The following CD163 variants were observed in gnomAD, a reference collection of about 807,000 sequenced individuals.
The protein encoded by CD163 is scavenger receptor cysteine-rich type 1 protein M130.
Under a neutral mutation model 129.2 loss-of-function variants are expected in CD163, and 64 were observed. That is an observed-to-expected ratio of 0.50 (90% CI 0.41 to 0.61). The LOEUF (loss-of-function observed/expected upper bound fraction) is 0.61, where lower values mean the gene tolerates loss of function less well. Ranked by LOEUF, CD163 falls within the 20% of genes least tolerant of loss-of-function variation. The pLI is 0.00. For synonymous variants in CD163, 446 were observed against 478.5 expected (o/e 0.93, Z 0.89); for missense variants, 1,061 against 1,377.9 (o/e 0.77, Z 3.64).
intron 16 of CD163, among the ~76,000 whole-genome samples, chr12:7,474,853 A>AGAAGAATC (rs1949063029): frequency 6.6e-6 from 1 of 152,090 alleles, no homozygotes. Flanking sequence ...AAGAAAAGAG[A>AGAAGAATC]GAAGAATCAA....
At chr12:7,484,457 TG>T (rs1021958651) in intron 11 of CD163, among the ~76,000 whole-genome samples, 60 of 152,086 alleles carry the variant, frequency 3.9e-4, no homozygotes, top group African/African-American at 1.3e-3. Flanking sequence ...CTGGCCAACA[TG>T]GGGAAACCCC....
intron 11 of CD163, among the ~76,000 whole-genome samples, chr12:7,484,535 A>G (rs1949220719): frequency 6.7e-6 from 1 of 150,148 alleles, no homozygotes; most frequent in African/African-American, 2.4e-5. Context: ...GCTACTCAGG[A>G]GGCTGGAGCA....
intron 2 of CD163, 150 bp downstream of exon 2, chr12:7,502,328 G>C: frequency 1.4e-6 from 1 of 699,566 alleles, no homozygotes; most frequent in Non-Finnish European, 2.6e-6. Context: ...GATTTTTATT[G>C]TGTGCTTTTA....
intron 15 of CD163, chr12:7,480,895 T>G: frequency 9.1e-7 from 1 of 1,094,902 alleles, no homozygotes. Context: ...TAAAATGAGG[T>G]CCAAGTCATA....
rs146216389 is a variant in CD163 at position 7,499,864 on chromosome 12, C to T, written c.458-676G>A. ...AAGAGAACTGAGCCATGAGGATCTT[C>T]AGCACCTGTTACATACCAAACAGTG... On this transcript the variant is annotated intron_variant, in intron 3 of 16. Coordinates refer to ENST00000432237, the MANE Select transcript of CD163 (RefSeq NM_203416.4). Among the ~76,000 whole-genome samples the T allele has an allele frequency of 1.4e-4, 22 of 152,294 alleles. No homozygotes were observed. The East Asian group carries it at 2.7e-3, about 19-fold the overall frequency.
rs1949190830 is a variant in CD163, at chr12:7,483,392, C to T, written c.3063G>A (p.Lys1021=). The T allele has an allele frequency of 1.2e-6, 2 of 1,613,864 alleles. No homozygotes were observed. Among genetic ancestry groups the T allele is most frequent in the Non-Finnish European group, 8.5e-7 (1 of 1,179,924 alleles). ...RRWGHSECGH[K]EDAAVNCTDI... is the part of the protein sequence containing the mutation. ...CTGTGCAATTCACTGCAGCGTCTTC[C>T]TTGTGCCCACACTCACTATGGCCCC... The change falls in exon 12 of 17, where the codon AAG becomes AAA. Residue 1021 remains lysine, a synonymous_variant. Coordinates refer to ENST00000432237, the MANE Select transcript of CD163 (RefSeq NM_203416.4).
At chr12:7,495,807 T>C (rs1565407003) in intron 5 of CD163, among the ~76,000 whole-genome samples, 1 of 150,976 alleles carries the variant, frequency 6.6e-6, no homozygotes, top group Non-Finnish European at 1.5e-5. Flanking sequence ...ATGGCGATCA[T>C]TAAAAAGTCT....
chr12:7,492,060 A>T (rs1405152236), intron 6 of CD163, among the ~76,000 whole-genome samples: 2 of 152,160 alleles, frequency 1.3e-5, no homozygotes, highest in Non-Finnish European at 1.5e-5. Flanking sequence ...ATCATCATTG[A>T]CAGAGACAGT....
intron 16 of CD163, among the ~76,000 whole-genome samples, chr12:7,472,689 G>A (rs10129005): frequency 6.6e-6 from 1 of 151,914 alleles, no homozygotes; most frequent in Non-Finnish European, 1.5e-5. Context: ...CACAACTCCT[G>A]TCCAGCAAGG....
At chr12:7,483,910 G>A (rs1440917230) in intron 11 of CD163, among the ~76,000 whole-genome samples, 8 of 138,790 alleles carry the variant, frequency 5.8e-5, no homozygotes, top group African/African-American at 8.1e-5. Flanking sequence ...GCACAATCTC[G>A]GCTCACTGCA....
At chr12:7,502,801 G>A (rs1270928872) in intron 1 of CD163, 1 of 563,830 alleles carries the variant, frequency 1.8e-6, no homozygotes, top group Non-Finnish European at 3.1e-6. Flanking sequence ...GCAGAAGGTT[G>A]GTGGTGGAAA....
At chr12:7,489,472 T>G (rs781577914) in intron 6 of CD163, among the ~76,000 whole-genome samples, 1 of 152,126 alleles carries the variant, frequency 6.6e-6, no homozygotes, top group African/African-American at 2.4e-5. Flanking sequence ...TAATTTCTTA[T>G]AATTTCTGTA....
rs1949261575 is a variant in CD163, at chr12:7,487,063, T to C, written c.2051-77A>G. On this transcript the variant is annotated intron_variant, in intron 8 of 16. Transcript: ENST00000432237. The surrounding 1 kb of genome is among the most constrained non-coding windows in gnomAD (Gnocchi z 5.1). ...CAGATGAAATGTTATATGGATGAGT[T>C]GAGGACAAACATAGCTTAGAGAGAG... is the stretch of plus-strand genomic sequence containing the variant. 2.9e-5 allele frequency: 33 copies of C among 1,138,836 alleles called. No individual in the cohort carries two copies. The South Asian group carries it at 4.3e-4, about 15-fold the overall frequency. 70.5% of individuals were successfully genotyped at this position (1,138,836 alleles called of 1,614,324 possible).
rs796612169 is a variant in CD163 at position 7,483,825 on chromosome 12, G to A, written c.2780-150C>T. ...CATATTAAAATTTATATATATATAT[G>A]TATATATATATATATATTTTTTTTT... On this transcript the variant is annotated intron_variant, in intron 11 of 16. Coordinates refer to ENST00000432237, the MANE Select transcript of CD163 (RefSeq NM_203416.4). 339 of 68,316 alleles carry A rather than the reference G, an allele frequency of 5.0e-3. 1 individual carries two copies. The highest frequency in any genetic ancestry group is 0.014 in the East Asian group (36 of 2,610). 4.2% of individuals were successfully genotyped at this position (68,316 alleles called of 1,614,324 possible). A position where few individuals can be genotyped will look rare whatever the true frequency, so the allele number is the denominator to read the frequency against.
In CD163 at chr12:7,487,815, C is replaced by T; in HGVS notation, c.1693G>A (p.Gly565Arg). ...ACATCCCTGCTGTGGCTACAAGTTCCTTCTGGGCGGGGTGCTACTGGGCAG... is the reference window on the plus strand; with the variant it reads ...ACATCCCTGCTGTGGCTACAAGTTCTTTCTGGGCGGGGTGCTACTGGGCAG... ...SLCPVAPRPE[G>R]TCSHSRDVGV... is the part of the protein sequence containing the mutation. Residue 565 changes from glycine (G) to arginine (R), a missense_variant, in exon 7 of 17, where the codon GGA (glycine) becomes AGA (arginine). By Grantham distance (125) the Gly-to-Arg change is moderately radical (BLOSUM62 -2). Transcript: ENST00000432237. The surrounding 1 kb of genome is among the most constrained non-coding windows in gnomAD (Gnocchi z 5.1). 6.2e-7 allele frequency: 1 copy of T among 1,614,156 alleles called. No individual in the cohort carries two copies. Among genetic ancestry groups the T allele is most frequent in the Non-Finnish European group, 8.5e-7 (1 of 1,180,030 alleles).
intron 5 of CD163, among the ~76,000 whole-genome samples, chr12:7,495,717 T>C (rs991787892): frequency 6.6e-6 from 1 of 151,978 alleles, no homozygotes; most frequent in East Asian, 1.9e-4. Flanking sequence ...AACAAACATA[T>C]GAAAAATAGC....
At position 7,486,542 on chromosome 12, in the gene CD163, C is replaced by G. The variant is rs568300896; in HGVS notation, c.2415G>C (p.Gln805His). 13 of 1,614,182 alleles carry G rather than the reference C, an allele frequency of 8.1e-6. No individual in the cohort carries two copies. The African/African-American group carries it at 1.7e-4, about 22-fold the overall frequency. ...IWQCHSHGWG[Q>H]QNCRHKEDAG... ...CATCCTCCTTGTGCCTGCAATTTTG[C>G]TGCCCCCAGCCGTGTGAATGGCACT... is the stretch of plus-strand genomic sequence containing the variant. The change falls in exon 10 of 17, where the codon CAG (glutamine) becomes CAC (histidine). Residue 805 changes from glutamine to histidine, a missense_variant. Transcript: ENST00000432237.
chr12:7,476,940 C>T (rs916357689), intron 16 of CD163, among the ~76,000 whole-genome samples: 3 of 152,172 alleles, frequency 2.0e-5, no homozygotes, highest in African/African-American at 7.2e-5. Context: ...TATGAACAGA[C>T]ACTTCTCAAA....
chr12:7,489,314 G>GT (rs1394898503), intron 6 of CD163, among the ~76,000 whole-genome samples: 1 of 152,008 alleles, frequency 6.6e-6, no homozygotes, highest in Non-Finnish European at 1.5e-5. Context: ...CAATAGCTTC[G>GT]TAAATTGTTT....
Sources: gnomAD v4.1 joint callset for allele counts (sites outside exome capture counted in the v4.1 genomes callset) on GRCh38, gnomAD v4.1.1 for gene constraint, Gnocchi (gnomAD v3.1) non-coding constraint, MANE v1.5 for transcripts, NCBI Gene and HGNC (gene_info 2026-07-23, HGNC 2026-07-21) for gene names.